The following VLDLR variants were observed in gnomAD, a reference collection of about 807,000 sequenced individuals.
VLDLR encodes very low-density lipoprotein receptor.
VLDLR carries 81 observed loss-of-function variants against 112.7 expected under a neutral mutation model. The observed-to-expected ratio is 0.72, with a 90% confidence interval of 0.60 to 0.86. VLDLR has a LOEUF of 0.86. Among genes scored for constraint, VLDLR ranks in the 40% least tolerant of loss-of-function variants. The pLI is 0.00. For missense variants in VLDLR, 1,237 were observed against 1,099.4 expected (o/e 1.13, Z -1.77); for synonymous variants, 436 against 384.8 (o/e 1.13, Z -1.56).
chr9:2,653,397 C>T (rs957365249), intron 18 of VLDLR, among the ~76,000 whole-genome samples: 4 of 152,164 alleles, frequency 2.6e-5, no homozygotes, highest in Non-Finnish European at 4.4e-5. Context: ...CTTAGTATAG[C>T]TAGCTTTTCT....
In VLDLR at chr9:2,645,061, A is replaced by G. The variant is rs201031743; in HGVS notation, c.1291A>G (p.Thr431Ala). 27 of 1,614,216 alleles carry G rather than the reference A, an allele frequency of 1.7e-5. No homozygotes were observed. In the East Asian group the frequency reaches 5.6e-4, roughly 33 times the overall value. The change falls in exon 9 of 19, where the codon ACT (threonine) becomes GCT (alanine). Residue 431 changes from threonine to alanine, a missense_variant. By Grantham distance (58) the Thr-to-Ala change is moderately conservative. Transcript: ENST00000382100. Reference protein sequence around the residue: ...CSRGYQMDLATGVCKAVGKEP... With the variant: ...CSRGYQMDLAAGVCKAVGKEP... ...TCGTGGCTATCAAATGGATCTTGCT[A>G]CTGGCGTGTGCAAGGCAGTAGGTAA...
chr9:2,650,583 G>C, intron 15 of VLDLR, 67 bp downstream of exon 15: 1 of 1,595,174 alleles, frequency 6.3e-7, no homozygotes, highest in East Asian at 2.2e-5. Flanking sequence ...ACACAAGCTT[G>C]GATTTTTAAG....
intron 18 of VLDLR, 148 bp from the exon 19 acceptor site, chr9:2,653,685 C>G (rs1818460288): frequency 1.2e-6 from 1 of 811,118 alleles, no homozygotes; most frequent in Non-Finnish European, 2.2e-6. Flanking sequence ...AATGATACAA[C>G]TCAGTATTCT....
chr9:2,629,431 TAGTAACAC>T (rs1235882940), intron 1 of VLDLR, among the ~76,000 whole-genome samples: 57 of 152,322 alleles, frequency 3.7e-4, no homozygotes, highest in African/African-American at 1.2e-3. Flanking sequence ...AGTTGATGCT[TAGTAACAC>T]AGTATCTAGA....
intron 1 of VLDLR, among the ~76,000 whole-genome samples, chr9:2,623,938 A>G (rs1461023403): frequency 1.3e-5 from 2 of 152,202 alleles, no homozygotes; most frequent in Non-Finnish European, 2.9e-5. Context: ...ATTTCTCAGT[A>G]TAGTGCCATG....
In VLDLR at chr9:2,622,165, C is replaced by T. The variant is rs769751037; in HGVS notation, c.-25C>T. 6.8e-7 allele frequency: 1 copy of T among 1,478,684 alleles called. No homozygotes were observed. The highest frequency in any genetic ancestry group is 8.9e-7 in the Non-Finnish European group (1 of 1,120,604). The allele number at this position is 1,478,684 out of a possible 1,614,324, so 91.6% of individuals were successfully genotyped here. ...GAGCGAACGGCGGCGGCGGCGGCGG[C>T]GGCGGCACCATCCAGGCGGGCACCA... On this transcript the variant is annotated 5_prime_UTR_variant, in exon 1 of 19. Coordinates refer to ENST00000382100, the MANE Select transcript of VLDLR (RefSeq NM_003383.5).
intron 1 of VLDLR, among the ~76,000 whole-genome samples, chr9:2,624,004 G>A (rs1052287880): frequency 2.6e-5 from 4 of 152,128 alleles, no homozygotes; most frequent in Non-Finnish European, 5.9e-5. Context: ...CAGAAGGAGG[G>A]ACAATTATCC....
intron 12 of VLDLR, 139 bp from the exon 13 acceptor site, chr9:2,648,069 G>A (rs997000937): frequency 2.6e-5 from 30 of 1,175,028 alleles, no homozygotes; most frequent in East Asian, 2.3e-4. Flanking sequence ...ATGCTGCTTC[G>A]CAAGGTTTAT....
intron 14 of VLDLR, 140 bp from the exon 15 acceptor site, chr9:2,650,230 G>A: frequency 9.9e-7 from 1 of 1,007,466 alleles, no homozygotes; most frequent in Admixed American, 2.0e-5. Flanking sequence ...CCTTGATACT[G>A]TTCTCACTTG....
At chr9:2,634,283 G>C (rs1817501933) in intron 1 of VLDLR, among the ~76,000 whole-genome samples, 1 of 152,180 alleles carries the variant, frequency 6.6e-6, no homozygotes, top group African/African-American at 2.4e-5. Context: ...GTCTGTGCTT[G>C]TCTCTGTAAT....
chr9:2,635,548 G>A lies in VLDLR; in HGVS notation c.178G>A (p.Asp60Asn), dbSNP rs1817564945. 6.2e-7 allele frequency: 1 copy of A among 1,614,016 alleles called. No individual in the cohort carries two copies. The highest frequency in any genetic ancestry group is 1.7e-5 in the Admixed American group (1 of 60,008). The change falls in exon 2 of 19, where the codon GAC becomes AAC. Residue 60 changes from aspartate to asparagine, a missense_variant. Asp to Asn is a conservative substitution (Grantham distance 23). Transcript: ENST00000382100. Reference sequence around the variant, plus strand: ...ATGTGATGGGGATGAAGACTGTGTTGACGGCAGTGATGAAAAGAACTGTGG... The same window carrying A: ...ATGTGATGGGGATGAAGACTGTGTTAACGGCAGTGATGAAAAGAACTGTGG... ...WKCDGDEDCV[D>N]GSDEKNCVKK...
intron 2 of VLDLR, among the ~76,000 whole-genome samples, chr9:2,637,096 C>T (rs1262644575): frequency 3.3e-5 from 5 of 152,120 alleles, no homozygotes; most frequent in African/African-American, 1.2e-4. Flanking sequence ...AAATTATATC[C>T]TTAGCCAAAA....
At chr9:2,628,784 TAGA>T (rs1286903920) in intron 1 of VLDLR, among the ~76,000 whole-genome samples, 8 of 152,304 alleles carry the variant, frequency 5.3e-5, no homozygotes, top group Admixed American at 2.0e-4. Context: ...GGATGGATTT[TAGA>T]AGAACCTCTG....
intron 1 of VLDLR, among the ~76,000 whole-genome samples, chr9:2,629,570 G>T (rs1817244335): frequency 6.6e-6 from 1 of 152,122 alleles, no homozygotes; most frequent in Admixed American, 6.5e-5. Context: ...AACTGTGCAG[G>T]ATTAAGAATT....
In VLDLR at chr9:2,646,432, A is replaced by C. The variant is rs1818075818; in HGVS notation, c.1583A>C (p.Tyr528Ser). ...GTTGATTGGGTGTACAAGACCATCT[A>C]CTGGACTGATGCGGCTTCTAAGACT... ...IAVDWVYKTI[Y>S]WTDAASKTIS... The change falls in exon 11 of 19, where the codon TAC becomes TCC. Residue 528 changes from tyrosine to serine, a missense_variant. Physicochemically the swap from Tyr to Ser is moderately radical, Grantham distance 144. Transcript: ENST00000382100. The C allele has an allele frequency of 6.2e-7, 1 of 1,614,036 alleles. No individual in the cohort carries two copies. Among genetic ancestry groups the C allele is most frequent in the African/African-American group, 1.3e-5 (1 of 74,914 alleles).
intron 1 of VLDLR, among the ~76,000 whole-genome samples, chr9:2,631,650 G>C (rs1056733930): frequency 6.6e-6 from 1 of 151,834 alleles, no homozygotes; most frequent in Non-Finnish European, 1.5e-5. Context: ...AGATGACAGA[G>C]ACTCAGAAGT....
In VLDLR at chr9:2,643,283, C is replaced by A; in HGVS notation, c.572C>A (p.Pro191Gln). The change falls in exon 5 of 19, where the codon CCA (proline) becomes CAA (glutamine). Residue 191 changes from proline (P) to glutamine (Q), a missense_variant. Transcript: ENST00000382100. ...DGSDELDCAP[P>Q]TCGAHEFQCS... Reference sequence around the variant, plus strand: ...AGTGATGAGCTGGACTGTGCCCCGCCAACCTGTGGCGCCCATGAGTTCCAG... The same window carrying A: ...AGTGATGAGCTGGACTGTGCCCCGCAAACCTGTGGCGCCCATGAGTTCCAG... 6.2e-7 allele frequency: 1 copy of A among 1,613,686 alleles called. No homozygotes were observed. Among genetic ancestry groups the A allele is most frequent in the Non-Finnish European group, 8.5e-7 (1 of 1,179,680 alleles).
rs1267704639 is a variant in VLDLR at position 2,656,816 on chromosome 9, C to T, written c.*2948C>T. ...TTCCTCTGTCCAAATTTTTAAGTGC[C>T]CTTTGCAAGCTAATCTATTTGGCAA... is the stretch of plus-strand genomic sequence containing the variant. On this transcript the variant is annotated 3_prime_UTR_variant, in exon 19 of 19. Coordinates refer to ENST00000382100, the MANE Select transcript of VLDLR (RefSeq NM_003383.5). 6.6e-6 allele frequency: 1 copy of T among 151,838 alleles called. No homozygotes were observed. Among genetic ancestry groups the T allele is most frequent in the African/African-American group, 2.4e-5 (1 of 41,310 alleles). 9.4% of individuals were successfully genotyped at this position (151,838 alleles called of 1,614,324 possible).
intron 1 of VLDLR, among the ~76,000 whole-genome samples, chr9:2,623,741 C>T (rs973728626): frequency 6.6e-6 from 1 of 152,120 alleles, no homozygotes; most frequent in South Asian, 2.1e-4. Context: ...TAGGAGACTC[C>T]ACAGGCTCTT....
Sources: allele counts gnomAD v4.1 joint callset (sites outside exome capture counted in the v4.1 genomes callset), GRCh38; gene constraint gnomAD v4.1.1; transcripts MANE v1.5; gene names NCBI Gene and HGNC (gene_info 2026-07-23, HGNC 2026-07-21).